The following WBP1L variants were observed in gnomAD, a reference collection of about 807,000 sequenced individuals.
WBP1L encodes the protein WW domain binding protein 1-like.
A neutral mutation model predicts 33.7 loss-of-function variants in WBP1L; 17 were observed. The ratio of observed to expected loss-of-function variants is 0.50; its 90% CI spans 0.34 to 0.76. The LOEUF (loss-of-function observed/expected upper bound fraction) is 0.76, where lower values mean the gene tolerates loss of function less well. WBP1L is among the 30% of genes least tolerant of loss of function. The pLI, the probability that WBP1L is intolerant of heterozygous loss-of-function variation, is 0.01. For synonymous variants in WBP1L, 173 were observed against 190.8 expected, an observed-to-expected ratio of 0.91 and a Z score of 0.77; for missense variants, 389 against 469.4, an observed-to-expected ratio of 0.83 and a Z score of 1.58.
chr10:102,744,504 G>A lies in WBP1L; in HGVS notation c.90+361G>A, dbSNP rs917349442. 3.0e-6 allele frequency: 3 copies of A among 984,132 alleles called. No individual in the cohort carries two copies. In the African/African-American group the frequency reaches 5.2e-5, roughly 17 times the overall value. The allele number at this position is 984,132 out of a possible 1,614,324, so 61.0% of individuals were successfully genotyped here. On this transcript the variant is annotated intron_variant, in intron 1 of 3. Transcript: ENST00000448841. ...AGGCAGTAATGCAGTATGTACGTCT[G>A]TGTGTGTAGGGGTACACAGGCTATT...
Position 102,804,419 on chromosome 10 carries a change from TAAAAAA to T in WBP1L, c.194-5469_194-5464del, listed in dbSNP as rs143565698. ...AAAAAAAAAAAAGCCCTTTTTTTTTTAAAAAAAAAATTATACTTCTGGTTCAGTGAA... is the reference window on the plus strand; with the variant it reads ...AAAAAAAAAAAAGCCCTTTTTTTTTTAAAATTATACTTCTGGTTCAGTGAA... On this transcript the variant is annotated intron_variant, in intron 2 of 3. Coordinates refer to ENST00000448841, the MANE Select transcript of WBP1L (RefSeq NM_001083913.2). 3.7e-3 allele frequency among the ~76,000 whole-genome samples: 508 copies of T among 138,124 alleles called. 3 individuals are homozygous for T. The highest frequency in any genetic ancestry group is 0.013 in the African/African-American group (484 of 37,904). The allele number at this position is 138,124 out of a possible 152,430, so 90.6% of individuals were successfully genotyped here.
At chr10:102,769,049 A>G (rs1590173498) in intron 1 of WBP1L, among the ~76,000 whole-genome samples, 1 of 152,132 alleles carries the variant, frequency 6.6e-6, no homozygotes, top group African/African-American at 2.4e-5. Flanking sequence ...CAGTGGTATA[A>G]TCACAGCTCA....
In WBP1L at chr10:102,813,022, T is replaced by G; in HGVS notation, c.783T>G (p.Pro261=). The G allele has an allele frequency of 6.2e-7, 1 of 1,613,702 alleles. No individual in the cohort carries two copies. The highest frequency in any genetic ancestry group is 8.5e-7 in the Non-Finnish European group (1 of 1,180,020). Residue 261 remains proline, a synonymous_variant, in exon 4 of 4, where the codon CCT becomes CCG. Transcript: ENST00000448841. ...CACCCGACAGCAAAGAGAAGACGCCTGGGAGACATCGCCGCTTCACAGGTG... is the reference window on the plus strand; with the variant it reads ...CACCCGACAGCAAAGAGAAGACGCCGGGGAGACATCGCCGCTTCACAGGTG... The part of the protein sequence containing the change: ...HGAPDSKEKT[P]GRHRRFTGDS...
chr10:102,772,605 T>C (rs1189245619), intron 1 of WBP1L, among the ~76,000 whole-genome samples: 1 of 137,754 alleles, frequency 7.3e-6, no homozygotes, highest in Non-Finnish European at 1.5e-5. Context: ...AGTCTCGTTC[T>C]GTCGCTCAGG....
chr10:102,812,180 C>A (rs1378596605), intron 3 of WBP1L, among the ~76,000 whole-genome samples: 2 of 152,206 alleles, frequency 1.3e-5, no homozygotes, highest in Non-Finnish European at 2.9e-5. Context: ...AAGTTAGGGA[C>A]CCTGGCCCTG....
chr10:102,772,135 T>G (rs568886769), intron 1 of WBP1L, among the ~76,000 whole-genome samples: 1 of 151,970 alleles, frequency 6.6e-6, no homozygotes, highest in East Asian at 1.9e-4. Context: ...ATTTTTTGTA[T>G]TTTTAGTAGA....
intron 1 of WBP1L, among the ~76,000 whole-genome samples, chr10:102,764,832 C>T (rs576091212): frequency 6.6e-6 from 1 of 152,154 alleles, no homozygotes; most frequent in Non-Finnish European, 1.5e-5. Context: ...ATGAGCTGTG[C>T]TTCCAGCCAG....
At chr10:102,747,908 GT>G (rs1414218687) in intron 1 of WBP1L, among the ~76,000 whole-genome samples, 1 of 152,082 alleles carries the variant, frequency 6.6e-6, no homozygotes, top group Admixed American at 6.6e-5. Flanking sequence ...TCAGCCAGTG[GT>G]TTAGGGACAA....
chr10:102,799,580 A>G (rs1479937821), intron 2 of WBP1L, among the ~76,000 whole-genome samples: 1 of 152,146 alleles, frequency 6.6e-6, no homozygotes, highest in Non-Finnish European at 1.5e-5. Context: ...GCGAGGCCCC[A>G]GGTGACTGAC....
At chr10:102,808,602 G>T (rs1298792963) in intron 2 of WBP1L, among the ~76,000 whole-genome samples, 1 of 152,238 alleles carries the variant, frequency 6.6e-6, no homozygotes, top group African/African-American at 2.4e-5. Context: ...AGTTGATTGT[G>T]GCAGTGGGAG....
At chr10:102,745,384 A>G (rs1842853509) in intron 1 of WBP1L, among the ~76,000 whole-genome samples, 1 of 152,210 alleles carries the variant, frequency 6.6e-6, no homozygotes, top group African/African-American at 2.4e-5. Flanking sequence ...TTGTGCAACT[A>G]CCACCTCTAT....
intron 1 of WBP1L, among the ~76,000 whole-genome samples, chr10:102,786,248 A>G (rs1258141857): frequency 2.0e-5 from 3 of 152,234 alleles, no homozygotes; most frequent in Non-Finnish European, 4.4e-5. Context: ...GGAATGAGGC[A>G]TAGAGAGTAT....
chr10:102,791,371 C>G (rs1009200664), intron 1 of WBP1L, among the ~76,000 whole-genome samples: 4 of 152,298 alleles, frequency 2.6e-5, no homozygotes, highest in African/African-American at 7.2e-5. Flanking sequence ...AGCGGAAACT[C>G]TCCCCTCCCA....
At chr10:102,759,060 G>C (rs942530272) in intron 1 of WBP1L, among the ~76,000 whole-genome samples, 2 of 152,230 alleles carry the variant, frequency 1.3e-5, no homozygotes, top group Admixed American at 1.3e-4. Context: ...AGGGGTTTAG[G>C]ACTCCGGATG....
At chr10:102,780,860 G>A (rs1329128840) in intron 1 of WBP1L, among the ~76,000 whole-genome samples, 2 of 152,202 alleles carry the variant, frequency 1.3e-5, no homozygotes, top group Non-Finnish European at 2.9e-5. Flanking sequence ...TTGATGGAAT[G>A]CAGGCTAGAT....
At position 102,804,594 on chromosome 10, in the gene WBP1L, T is replaced by A. The variant is rs116604634; in HGVS notation, c.194-5299T>A. On this transcript the variant is annotated intron_variant, in intron 2 of 3. Transcript: ENST00000448841. The stretch of plus-strand genomic sequence containing the variant: ...GGAACAAGCAAGTCCAAAATCCTAG[T>A]GACCTAAAAACAGCAGGTTTATTCC... 3.0e-3 allele frequency among the ~76,000 whole-genome samples: 450 copies of A among 152,232 alleles called. 1 individual carries two copies. The highest frequency in any genetic ancestry group is 0.01 in the African/African-American group (432 of 41,534).
chr10:102,814,071 A>G lies in WBP1L; in HGVS notation c.*740A>G, dbSNP rs1843891489. The G allele has an allele frequency of 6.6e-6, 1 of 152,230 alleles. No individual in the cohort carries two copies. The allele number at this position is 152,230 out of a possible 1,614,324, so 9.4% of individuals were successfully genotyped here. A position where few individuals can be genotyped will look rare whatever the true frequency, so the allele number is the denominator to read the frequency against. On this transcript the variant is annotated 3_prime_UTR_variant, in exon 4 of 4. Coordinates refer to ENST00000448841, the MANE Select transcript of WBP1L (RefSeq NM_001083913.2). Reference sequence around the variant, plus strand: ...GTTTTTTTCTCTAAAAACAAACAGCAAAAGACAGCTGAAAACAAGAACTTC... The same window carrying G: ...GTTTTTTTCTCTAAAAACAAACAGCGAAAGACAGCTGAAAACAAGAACTTC...
chr10:102,777,812 A>G (rs1265130287), intron 1 of WBP1L, among the ~76,000 whole-genome samples: 1 of 151,900 alleles, frequency 6.6e-6, no homozygotes, highest in Non-Finnish European at 1.5e-5. Flanking sequence ...TGATCCGGCC[A>G]CCTCAGCCTC....
chr10:102,782,877 C>T (rs1433474716), intron 1 of WBP1L, among the ~76,000 whole-genome samples: 1 of 152,140 alleles, frequency 6.6e-6, no homozygotes, highest in Non-Finnish European at 1.5e-5. Flanking sequence ...CATAAGACTT[C>T]GGTTTCCTCT....
Sources: gnomAD v4.1 joint callset for allele counts (sites outside exome capture counted in the v4.1 genomes callset) on GRCh38, gnomAD v4.1.1 for gene constraint, MANE v1.5 for transcripts, NCBI Gene and HGNC (gene_info 2026-07-23, HGNC 2026-07-21) for gene names.